The following ASPRV1 variants were observed in gnomAD, a reference collection of about 807,000 sequenced individuals.
The protein encoded by ASPRV1 is retroviral-like aspartic protease 1.
ASPRV1 carries 7 observed loss-of-function variants against 11.0 expected under a neutral mutation model. That is an observed-to-expected ratio of 0.64 (90% CI 0.36 to 1.20). ASPRV1 has a LOEUF of 1.20. Among genes scored for constraint, ASPRV1 ranks in the 50% most tolerant of loss-of-function variants. ASPRV1 has a pLI of 0.02. For synonymous variants in ASPRV1, 136 were observed against 138.4 expected, an observed-to-expected ratio of 0.98 and a Z score of 0.12; for missense variants, 299 against 320.0, an observed-to-expected ratio of 0.93 and a Z score of 0.50.
the ASPRV1 span, among the ~76,000 whole-genome samples, chr2:69,982,218 C>A: frequency 6.6e-6 from 1 of 151,828 alleles, no homozygotes; most frequent in African/African-American, 2.4e-5. Flanking sequence ...GTGGCTCATG[C>A]CTATAAAGGA....
the ASPRV1 span, among the ~76,000 whole-genome samples, chr2:69,950,844 AAAATAAATAAATAAATAAATAAATAAAT>A: frequency 7.3e-6 from 1 of 136,982 alleles, no homozygotes; most frequent in Admixed American, 7.3e-5. Context: ...CTCTGTCTCA[AAAATAAATAAATAAATAAATAAATAAAT>A]AAATAAATAA....
the ASPRV1 span, among the ~76,000 whole-genome samples, chr2:70,037,834 T>C: frequency 6.6e-6 from 1 of 152,202 alleles, no homozygotes; most frequent in Admixed American, 6.5e-5. Context: ...ATTACTTTAG[T>C]TTTTATGTAA....
the ASPRV1 span, among the ~76,000 whole-genome samples, chr2:70,044,811 G>A: frequency 3.3e-5 from 5 of 152,084 alleles, no homozygotes; most frequent in African/African-American, 1.2e-4. Flanking sequence ...CACACAACAG[G>A]TGCCACCAGC....
At chr2:70,086,697 GA>G in the ASPRV1 span, among the ~76,000 whole-genome samples, 1 of 152,252 alleles carries the variant, frequency 6.6e-6, no homozygotes, top group African/African-American at 2.4e-5. Context: ...TGCCGCGGTG[GA>G]AACGACACAA....
the ASPRV1 span, among the ~76,000 whole-genome samples, chr2:69,947,231 A>T: frequency 6.6e-6 from 1 of 152,200 alleles, no homozygotes; most frequent in Admixed American, 6.5e-5. Flanking sequence ...TGTGGCCCAG[A>T]AGAGGTATCA....
chr2:69,947,743 T>C, the ASPRV1 span, among the ~76,000 whole-genome samples: 3,266 of 152,006 alleles, frequency 0.021, 127 homozygotes, highest in African/African-American at 0.074. Context: ...GGAAGGTGAA[T>C]GTGAGGGGTT....
At chr2:70,084,313 T>C in the ASPRV1 span, among the ~76,000 whole-genome samples, 1 of 152,256 alleles carries the variant, frequency 6.6e-6, no homozygotes, top group African/African-American at 2.4e-5. Flanking sequence ...CCTTTTGTTG[T>C]CACCTGAGTT....
the ASPRV1 span, chr2:69,968,271 A>C: frequency 6.6e-6 from 1 of 151,986 alleles, no homozygotes; most frequent in Non-Finnish European, 1.5e-5. Flanking sequence ...GGTGGCTCAC[A>C]CTTGTAATTC....
the ASPRV1 span, among the ~76,000 whole-genome samples, chr2:70,086,702 G>A: frequency 2.6e-5 from 4 of 152,234 alleles, no homozygotes; most frequent in Non-Finnish European, 5.9e-5. Context: ...CGGTGGAAAC[G>A]ACACAAGGGC....
chr2:69,948,778 C>T, the ASPRV1 span, among the ~76,000 whole-genome samples: 104 of 143,202 alleles, frequency 7.3e-4, no homozygotes, highest in African/African-American at 3.0e-3. Context: ...GCTCTGCCCA[C>T]GCCCCCCGCC....
the ASPRV1 span, chr2:70,070,877 G>C: frequency 6.7e-6 from 1 of 149,522 alleles, no homozygotes; most frequent in South Asian, 2.1e-4. Context: ...TAAAAAACAT[G>C]TTTCCCCTCC....
chr2:70,084,206 G>A, the ASPRV1 span, among the ~76,000 whole-genome samples: 2 of 152,146 alleles, frequency 1.3e-5, no homozygotes, highest in Non-Finnish European at 2.9e-5. Context: ...AGAAAGACCT[G>A]ACAGATAAAA....
the ASPRV1 span, among the ~76,000 whole-genome samples, chr2:70,000,000 C>T: frequency 1.3e-5 from 2 of 152,234 alleles, no homozygotes; most frequent in African/African-American, 4.8e-5. Flanking sequence ...CGGCCTCATC[C>T]TGCCACATCT....
At chr2:70,078,496 A>G in the ASPRV1 span, among the ~76,000 whole-genome samples, 2 of 152,244 alleles carry the variant, frequency 1.3e-5, no homozygotes, top group African/African-American at 4.8e-5. Context: ...GTTAAGGTAT[A>G]TTTCACTGAT....
chr2:70,032,563 C>T, the ASPRV1 span, among the ~76,000 whole-genome samples: 24 of 151,884 alleles, frequency 1.6e-4, no homozygotes, highest in Non-Finnish European at 4.4e-5. Flanking sequence ...GAGGCTGAGG[C>T]AGGAGGATTG....
the ASPRV1 span, chr2:69,975,606 C>T: frequency 6.6e-6 from 1 of 152,246 alleles, no homozygotes; most frequent in Non-Finnish European, 1.5e-5. Context: ...GGTTCTGTGG[C>T]TTCACCGGGA....
At chr2:69,972,297 G>C in the ASPRV1 span, among the ~76,000 whole-genome samples, 3 of 151,394 alleles carry the variant, frequency 2.0e-5, no homozygotes, top group Admixed American at 6.6e-5. Context: ...TCTTGACCTC[G>C]TGATCCTCCT....
chr2:70,050,604 T>C, the ASPRV1 span: 1 of 152,302 alleles, frequency 6.6e-6, no homozygotes, highest in East Asian at 1.9e-4. Flanking sequence ...TTCTATGTTA[T>C]ATATGATAGT....
Position 69,960,859 on chromosome 2 carries a change from G to A in ASPRV1, c.578C>T (p.Ala193Val), listed in dbSNP as rs777566583. ...GCCAATGATGGCTTCCTCGGCACTC[G>A]CATTGGCCACTAGGAACTGTGCCTT... Reference protein sequence around the residue: ...KLKAQFLVANASAEEAIIGTD... With the variant: ...KLKAQFLVANVSAEEAIIGTD... The change falls in exon 1 of 1, where the codon GCG becomes GTG. Residue 193 changes from alanine (A) to valine (V), a missense_variant. Transcript: ENST00000320256. 2.5e-5 allele frequency: 40 copies of A among 1,613,954 alleles called. No homozygotes were observed. The highest frequency in any genetic ancestry group is 1.0e-4 in the Admixed American group (6 of 59,984).
Sources: allele counts gnomAD v4.1 joint callset (sites outside exome capture counted in the v4.1 genomes callset), GRCh38; gene constraint gnomAD v4.1.1; transcripts MANE v1.5; gene names NCBI Gene and HGNC (gene_info 2026-07-23, HGNC 2026-07-21).